Variants in PLA2G4A observed in about 807,000 individuals in gnomAD.
PLA2G4A encodes phospholipase A2 group IVA, also known as cytosolic phospholipase A2.
Under a neutral mutation model 81.9 loss-of-function variants are expected in PLA2G4A, and 40 were observed. The observed-to-expected ratio is 0.49, with a 90% CI of 0.38 to 0.64. The LOEUF (loss-of-function observed/expected upper bound fraction) is 0.64, where lower values mean the gene tolerates loss of function less well. PLA2G4A is among the 30% of genes least tolerant of loss of function. The pLI is 0.00. For missense variants in PLA2G4A, 715 were observed against 905.1 expected (o/e 0.79, Z 2.69); for synonymous variants, 302 against 296.9 (o/e 1.02, Z -0.18).
At chr1:186,964,749 C>G (rs7544607) in intron 14 of PLA2G4A, among the ~76,000 whole-genome samples, 1 of 152,190 alleles carries the variant, frequency 6.6e-6, no homozygotes, top group Non-Finnish European at 1.5e-5. Context: ...GAGGTGTACT[C>G]GCAATATGAG....
intron 10 of PLA2G4A, among the ~76,000 whole-genome samples, chr1:186,944,397 G>T (rs561214430): frequency 2.0e-5 from 3 of 152,076 alleles, no homozygotes; most frequent in African/African-American, 7.2e-5. Context: ...AGAAGAGATC[G>T]CTAGAAAAGC....
At chr1:186,908,968 C>CTTTTTTTTTTTTT (rs1201226836) in intron 6 of PLA2G4A, among the ~76,000 whole-genome samples, 2 of 75,090 alleles carry the variant, frequency 2.7e-5, no homozygotes, top group Non-Finnish European at 4.7e-5. Context: ...CTTTTCTTTT[C>CTTTTTTTTTTTTT]TTTTTTTTTT....
chr1:186,842,783 G>T (rs1303456082), intron 1 of PLA2G4A, among the ~76,000 whole-genome samples: 1 of 152,150 alleles, frequency 6.6e-6, no homozygotes, highest in Non-Finnish European at 1.5e-5. Flanking sequence ...CCAACCTCCA[G>T]AACTGTAAGA....
At chr1:186,958,784 G>T (rs769703726) in intron 14 of PLA2G4A, among the ~76,000 whole-genome samples, 1 of 130,290 alleles carries the variant, frequency 7.7e-6, no homozygotes, top group Non-Finnish European at 1.7e-5. Context: ...ACAGCACGAG[G>T]TCTACACTCC....
intron 2 of PLA2G4A, among the ~76,000 whole-genome samples, chr1:186,856,055 T>C (rs866338901): frequency 2.8e-4 from 43 of 151,888 alleles, no homozygotes; most frequent in Admixed American, 1.3e-3. Context: ...TTTGCCAATT[T>C]ACACACACAA....
intron 9 of PLA2G4A, 80 bp downstream of exon 9, chr1:186,939,310 A>G (rs892663282): frequency 1.8e-5 from 11 of 614,648 alleles, no homozygotes; most frequent in Non-Finnish European, 3.0e-5. Flanking sequence ...AATAAAAGAA[A>G]ATGTAATACA....
chr1:186,965,366 A>C, intron 14 of PLA2G4A, 43 bp from the exon 15 acceptor site: 2 of 1,319,838 alleles, frequency 1.5e-6, no homozygotes, highest in Non-Finnish European at 2.2e-6. Flanking sequence ...ATACTGATGA[A>C]TGATCATTTA....
chr1:186,924,497 C>G (rs1655475660), intron 7 of PLA2G4A, among the ~76,000 whole-genome samples: 1 of 152,168 alleles, frequency 6.6e-6, no homozygotes, highest in Non-Finnish European at 1.5e-5. Flanking sequence ...TTTACCAGCT[C>G]TTCTTCATCT....
At chr1:186,896,552 C>T (rs1376191401) in intron 5 of PLA2G4A, among the ~76,000 whole-genome samples, 1 of 152,164 alleles carries the variant, frequency 6.6e-6, no homozygotes, top group Non-Finnish European at 1.5e-5. Context: ...ATTGGACCTC[C>T]TGAAATCATT....
intron 3 of PLA2G4A, among the ~76,000 whole-genome samples, chr1:186,890,488 G>T (rs1412395990): frequency 2.6e-5 from 4 of 152,142 alleles, no homozygotes; most frequent in Non-Finnish European, 5.9e-5. Flanking sequence ...TTCTTTATTT[G>T]CAATTGTTTT....
intron 9 of PLA2G4A, 119 bp from the exon 10 acceptor site, chr1:186,939,861 A>G (rs978702552): frequency 3.1e-6 from 2 of 653,586 alleles, no homozygotes; most frequent in Non-Finnish European, 5.5e-6. Context: ...TCTAGAAGTA[A>G]TAAGACTTAT....
At chr1:186,866,018 A>G (rs1653014718) in intron 2 of PLA2G4A, among the ~76,000 whole-genome samples, 1 of 152,192 alleles carries the variant, frequency 6.6e-6, no homozygotes, top group African/African-American at 2.4e-5. Flanking sequence ...TGACATCTCA[A>G]TTGAAATATG....
chr1:186,836,821 A>G (rs865852334), intron 1 of PLA2G4A, among the ~76,000 whole-genome samples: 1 of 152,246 alleles, frequency 6.6e-6, no homozygotes, highest in Non-Finnish European at 1.5e-5. Flanking sequence ...GATAATAAGT[A>G]TACAAACAAA....
At chr1:186,840,852 A>G (rs1238840720) in intron 1 of PLA2G4A, among the ~76,000 whole-genome samples, 1 of 152,236 alleles carries the variant, frequency 6.6e-6, no homozygotes, top group Non-Finnish European at 1.5e-5. Context: ...CAATGGCAGC[A>G]ATTAAAGAGG....
At chr1:186,960,784 A>G (rs568495577) in intron 14 of PLA2G4A, among the ~76,000 whole-genome samples, 140 of 152,328 alleles carry the variant, frequency 9.2e-4, no homozygotes, top group Non-Finnish European at 1.6e-3. Context: ...ATGTTATAGA[A>G]TTATTTGGAG....
chr1:186,913,985 C>T (rs1160094051), intron 7 of PLA2G4A, among the ~76,000 whole-genome samples: 1 of 152,100 alleles, frequency 6.6e-6, no homozygotes, highest in African/African-American at 2.4e-5. Flanking sequence ...TGAGATGCTG[C>T]TTAAGGGGAA....
At chr1:186,896,648 T>C (rs1308889456) in intron 5 of PLA2G4A, among the ~76,000 whole-genome samples, 2 of 152,216 alleles carry the variant, frequency 1.3e-5, no homozygotes, top group Admixed American at 1.3e-4. Flanking sequence ...TCCTCTCCTC[T>C]GTCATTTCCT....
chr1:186,878,855 G>T (rs1465662302), intron 3 of PLA2G4A, among the ~76,000 whole-genome samples: 1 of 151,778 alleles, frequency 6.6e-6, no homozygotes, highest in Non-Finnish European at 1.5e-5. Context: ...GAAAGTATGT[G>T]ATTAAAATCT....
intron 7 of PLA2G4A, among the ~76,000 whole-genome samples, chr1:186,915,961 T>G (rs1209206131): frequency 6.6e-6 from 1 of 152,116 alleles, no homozygotes; most frequent in Non-Finnish European, 1.5e-5. Context: ...AGGAACTGGG[T>G]CTACAGGTAC....
Sources: gnomAD v4.1 joint callset for allele counts (sites outside exome capture counted in the v4.1 genomes callset) on GRCh38, gnomAD v4.1.1 for gene constraint, MANE v1.5 for transcripts, NCBI Gene and HGNC (gene_info 2026-07-23, HGNC 2026-07-21) for gene names.